NLRC5: variants seen among roughly 807,000 people sequenced by gnomAD.
The protein encoded by NLRC5 is NLR family CARD domain containing 5.
A neutral mutation model predicts 206.9 loss-of-function variants in NLRC5; 114 were observed. The ratio of observed to expected loss-of-function variants is 0.55; its 90% CI spans 0.47 to 0.64. The LOEUF (loss-of-function observed/expected upper bound fraction) is 0.64. NLRC5 is among the 30% of genes least tolerant of loss of function. The pLI is 0.00. For missense variants in NLRC5, 2,008 were observed against 2,305.5 expected, an observed-to-expected ratio of 0.87 and a Z score of 2.64; for synonymous variants, 952 against 962.8, an observed-to-expected ratio of 0.99 and a Z score of 0.21.
rs1388499096 is a variant in NLRC5 at position 57,078,119 on chromosome 16, C to T, written c.5081+99C>T. 3 of 996,798 alleles carry T rather than the reference C, an allele frequency of 3.0e-6. No homozygotes were observed. The African/African-American group carries it at 4.9e-5, about 16-fold the overall frequency. The allele number at this position is 996,798 out of a possible 1,614,324, so 61.7% of individuals were successfully genotyped here. A position where few individuals can be genotyped will look rare whatever the true frequency, so the allele number is the denominator to read the frequency against. ...GCCCCCATCAGTTGAGCTGCCCTGC[C>T]CCAAGTCAAGCTTGGCATATACCCA... On this transcript the variant is annotated intron_variant, in intron 43 of 48. Coordinates refer to ENST00000688547, the MANE Select transcript of NLRC5 (RefSeq NM_001384950.1).
intron 1 of NLRC5, among the ~76,000 whole-genome samples, chr16:57,007,342 A>G (rs1439930375): frequency 6.6e-6 from 1 of 152,258 alleles, no homozygotes; most frequent in Non-Finnish European, 1.5e-5. Context: ...TTGCGAATCT[A>G]ATAGCTAGAA....
At chr16:57,045,766 C>A (rs1597338577) in intron 21 of NLRC5, among the ~76,000 whole-genome samples, 1 of 152,196 alleles carries the variant, frequency 6.6e-6, no homozygotes, top group South Asian at 2.1e-4. Context: ...GGCAGGTGCC[C>A]GCAGATTGCT....
In NLRC5 at chr16:57,077,767, GTC is replaced by G. The variant is rs761170830; in HGVS notation, c.4973_4974del (p.Leu1658ArgfsTer93). The G allele has an allele frequency of 1.2e-6, 2 of 1,605,360 alleles. No homozygotes were observed. Among genetic ancestry groups the G allele is most frequent in the Non-Finnish European group, 1.7e-6 (2 of 1,174,668 alleles). The stretch of plus-strand genomic sequence containing the variant: ...CAGCCGGGGGAGTGCAGTTGGCAGA[GTC>G]TCTCGTTCTTTGCAGGCGCCTGGAG... ...SSAGGVQLAE[S>X]LVLCRRLEEL... On this transcript the variant is annotated frameshift_variant, in exon 42 of 49. Coordinates refer to ENST00000688547, the MANE Select transcript of NLRC5 (RefSeq NM_001384950.1). LOFTEE classifies it high-confidence loss of function.
chr16:57,027,100 A>C, intron 6 of NLRC5, 82 bp downstream of exon 6: 1 of 1,461,396 alleles, frequency 6.8e-7, no homozygotes, highest in Non-Finnish European at 9.2e-7. Flanking sequence ...AACCTCTGCC[A>C]AGAGGACTGG....
intron 30 of NLRC5, among the ~76,000 whole-genome samples, chr16:57,060,962 C>G (rs1250318478): frequency 6.6e-6 from 1 of 152,226 alleles, no homozygotes; most frequent in Non-Finnish European, 1.5e-5. Flanking sequence ...CCAGGCACAC[C>G]TCCCTCCCCA....
intron 32 of NLRC5, among the ~76,000 whole-genome samples, chr16:57,063,973 C>G (rs914668643): frequency 7.5e-5 from 11 of 146,182 alleles, no homozygotes; most frequent in Admixed American, 2.7e-4. Context: ...CTCCTGACCT[C>G]GTGATCCCCC....
At chr16:56,992,333 C>T (rs1402568755) in intron 1 of NLRC5, 4 of 152,182 alleles carry the variant, frequency 2.6e-5, no homozygotes, top group Non-Finnish European at 5.9e-5. Flanking sequence ...AGCATCTCTG[C>T]TCTGTTTTCC....
Position 57,040,827 on chromosome 16 carries a change from C to A in NLRC5, c.2939+109C>A, listed in dbSNP as rs116932832. ...GGCCCCACATGCTCCCTGAAGGACA[C>A]CTGACCTGCTGTGTCCAGGGGTCAT... On this transcript the variant is annotated intron_variant, in intron 17 of 48. Coordinates refer to ENST00000688547, the MANE Select transcript of NLRC5 (RefSeq NM_001384950.1). The A allele has an allele frequency of 7.0e-3, 7,279 of 1,043,726 alleles. 40 individuals are homozygous for A. Among genetic ancestry groups the A allele is most frequent in the Non-Finnish European group, 9.0e-3 (6,162 of 684,910 alleles). 64.7% of individuals were successfully genotyped at this position (1,043,726 alleles called of 1,614,324 possible). A position where few individuals can be genotyped will look rare whatever the true frequency, so the allele number is the denominator to read the frequency against.
At chr16:57,055,590 G>A (rs1312600511) in intron 27 of NLRC5, 71 bp downstream of exon 27, 8 of 1,259,298 alleles carry the variant, frequency 6.4e-6, no homozygotes, top group East Asian at 2.4e-5. Flanking sequence ...GGGGGTATGA[G>A]GGTCCGTGTG....
Position 57,037,196 on chromosome 16 carries a change from C to T in NLRC5, c.2713C>T (p.Leu905Phe), listed in dbSNP as rs2062698688. 1 of 1,613,606 alleles carries T rather than the reference C, an allele frequency of 6.2e-7. No individual in the cohort carries two copies. Among genetic ancestry groups the T allele is most frequent in the Non-Finnish European group, 8.5e-7 (1 of 1,179,744 alleles). Residue 905 changes from leucine to phenylalanine, a missense_variant and splice_region_variant, in exon 15 of 49, where the codon CTC becomes TTC. Transcript: ENST00000688547. ...SQLHIARKLDLSNNGLSVAGV... is the reference protein window; with the variant it reads ...SQLHIARKLDFSNNGLSVAGV... ...GCTGCCTTCTCCTGCTCTCCACAGC[C>T]TCAGTAACAACGGGCTTTCTGTGGC... is the stretch of plus-strand genomic sequence containing the variant.
chr16:57,077,847 T>G, intron 42 of NLRC5, 45 bp downstream of exon 42: 1 of 1,589,600 alleles, frequency 6.3e-7, no homozygotes, highest in Non-Finnish European at 8.6e-7. Context: ...GCCCCCCAGG[T>G]CCACCTGGCC....
rs772254831 is a variant in NLRC5 at position 57,025,449 on chromosome 16, C to T, written c.506C>T (p.Pro169Leu). The change falls in exon 6 of 49, where the codon CCC (proline) becomes CTC (leucine). Residue 169 changes from proline to leucine, a missense_variant. Transcript: ENST00000688547. Reference sequence around the variant, plus strand: ...AGCCAAATCCCTGGGTCAGGGCAGCCCCACGCCTTCCACCAGGTCTATGTC... The same window carrying T: ...AGCCAAATCCCTGGGTCAGGGCAGCTCCACGCCTTCCACCAGGTCTATGTC... Reference protein sequence around the residue: ...YRSQIPGSGQPHAFHQVYVPP... With the variant: ...YRSQIPGSGQLHAFHQVYVPP... The T allele has an allele frequency of 1.2e-6, 2 of 1,608,656 alleles. No individual in the cohort carries two copies. Among genetic ancestry groups the T allele is most frequent in the Non-Finnish European group, 1.7e-6 (2 of 1,177,004 alleles).
chr16:57,077,259 A>G lies in NLRC5; in HGVS notation c.4836-37A>G, dbSNP rs749636964. On this transcript the variant is annotated intron_variant, in intron 40 of 48. Coordinates refer to ENST00000688547, the MANE Select transcript of NLRC5 (RefSeq NM_001384950.1). ...GGGAGTGGGGTGTGGACAAGATGAGACGGCAGAAGGCTGATGAAGCTGTTT... is the reference window on the plus strand; with the variant it reads ...GGGAGTGGGGTGTGGACAAGATGAGGCGGCAGAAGGCTGATGAAGCTGTTT... The G allele has an allele frequency of 6.9e-6, 11 of 1,588,876 alleles. No individual in the cohort carries two copies. The South Asian group carries it at 1.1e-4, about 16-fold the overall frequency.
intron 1 of NLRC5, among the ~76,000 whole-genome samples, chr16:57,012,308 G>T (rs1168257876): frequency 6.6e-6 from 1 of 152,146 alleles, no homozygotes; most frequent in Non-Finnish European, 1.5e-5. Flanking sequence ...GATAATGCTG[G>T]TACAAACATT....
chr16:57,079,081 G>T lies in NLRC5; in HGVS notation c.5113G>T (p.Ala1705Ser), dbSNP rs2068796407. The T allele has an allele frequency of 1.2e-6, 2 of 1,614,036 alleles. No individual in the cohort carries two copies. Among genetic ancestry groups the T allele is most frequent in the Non-Finnish European group, 1.7e-6 (2 of 1,180,040 alleles). Reference sequence around the variant, plus strand: ...ATTCAGCCATCTGGGCCCAGGTGGGGCCCTGAGCCTGGCCCAGGCCCTGGA... The same window carrying T: ...ATTCAGCCATCTGGGCCCAGGTGGGTCCCTGAGCCTGGCCCAGGCCCTGGA... ...LPFSHLGPGG[A>S]LSLAQALDGS... Residue 1705 changes from alanine to serine, a missense_variant, in exon 44 of 49, where the codon GCC becomes TCC. Physicochemically the swap from Ala to Ser is moderately conservative, Grantham distance 99. Coordinates refer to ENST00000688547, the MANE Select transcript of NLRC5 (RefSeq NM_001384950.1).
intron 48 of NLRC5, 33 bp downstream of exon 48, chr16:57,081,643 G>C (rs763295939): frequency 3.0e-5 from 47 of 1,581,704 alleles, no homozygotes; most frequent in African/African-American, 1.3e-5. Flanking sequence ...GGGATGGTGG[G>C]TGGGAGGCTA....
In NLRC5 at chr16:57,031,400, G is replaced by A; in HGVS notation, c.2418-4G>A. 1 of 1,613,950 alleles carries A rather than the reference G, an allele frequency of 6.2e-7. No homozygotes were observed. The highest frequency in any genetic ancestry group is 8.5e-7 in the Non-Finnish European group (1 of 1,179,980). ...GTTTCATGGCTTGGTATCTGATCCT[G>A]CAGGGAGGCGGACCTCATCTTCCTT... On this transcript the variant is annotated splice_region_variant and splice_polypyrimidine_tract_variant and intron_variant, in intron 10 of 48. Coordinates refer to ENST00000688547, the MANE Select transcript of NLRC5 (RefSeq NM_001384950.1).
intron 1 of NLRC5, among the ~76,000 whole-genome samples, chr16:56,993,770 CT>C (rs1401793471): frequency 1.3e-5 from 2 of 152,160 alleles, no homozygotes; most frequent in East Asian, 3.9e-4. Context: ...GGCTTTTGGT[CT>C]TTTTCCTGTT....
At chr16:57,001,955 T>G (rs1376953050) in intron 1 of NLRC5, among the ~76,000 whole-genome samples, 4 of 152,120 alleles carry the variant, frequency 2.6e-5, no homozygotes, top group African/African-American at 9.7e-5. Context: ...CTCCATGACT[T>G]AAATTGTTTT....
Sources: allele counts gnomAD v4.1 joint callset (sites outside exome capture counted in the v4.1 genomes callset), GRCh38; gene constraint gnomAD v4.1.1; transcripts MANE v1.5; gene names NCBI Gene and HGNC (gene_info 2026-07-23, HGNC 2026-07-21).